Variants in PCDHGA12 observed in about 807,000 individuals in gnomAD.
PCDHGA12 encodes the protein protocadherin gamma subfamily A, 12.
PCDHGA12 carries 43 observed loss-of-function variants against 61.1 expected under a neutral mutation model. The ratio of observed to expected loss-of-function variants is 0.70; its 90% confidence interval spans 0.55 to 0.91. The LOEUF is 0.91. Ranked by LOEUF, PCDHGA12 falls within the 40% of genes least tolerant of loss-of-function variation. The pLI is 0.00. For synonymous variants in PCDHGA12, 520 were observed against 542.9 expected (o/e 0.96, Z 0.59); for missense variants, 1,236 against 1,227.7 (o/e 1.01, Z -0.10).
In PCDHGA12 at chr5:141,486,718, A is replaced by G; in HGVS notation, c.2425-8089A>G. 6.2e-7 allele frequency: 1 copy of G among 1,614,106 alleles called. No individual in the cohort carries two copies. The highest frequency in any genetic ancestry group is 1.7e-5 in the Admixed American group (1 of 60,022). On this transcript the variant is annotated intron_variant, in intron 1 of 3. Coordinates refer to ENST00000252085, the MANE Select transcript of PCDHGA12 (RefSeq NM_003735.3). This position sits in a 1 kb window ranked among gnomAD's most constrained non-coding sequence, Gnocchi z 5.0. Reference sequence around the variant, plus strand: ...TCATCTCTCTGAACCCCCAGACAGGAGCTGTTCATGCTACTCGATCCTTTG... The same window carrying G: ...TCATCTCTCTGAACCCCCAGACAGGGGCTGTTCATGCTACTCGATCCTTTG...
chr5:141,469,213 G>C (rs866405809), intron 1 of PCDHGA12, among the ~76,000 whole-genome samples: 4 of 150,912 alleles, frequency 2.7e-5, no homozygotes, highest in African/African-American at 9.7e-5. Flanking sequence ...TGAAGTTGAG[G>C]CTTCAGTGAG....
At chr5:141,482,530 CAAA>C (rs3074545) in intron 1 of PCDHGA12, among the ~76,000 whole-genome samples, 29 of 76,552 alleles carry the variant, frequency 3.8e-4, no homozygotes, top group African/African-American at 9.1e-4. Context: ...GACAGACATG[CAAA>C]AAAAAAAAAA....
At chr5:141,462,335 A>G in intron 1 of PCDHGA12, among the ~76,000 whole-genome samples, 1 of 152,220 alleles carries the variant, frequency 6.6e-6, no homozygotes, top group East Asian at 1.9e-4. Context: ...ATTTAATTGT[A>G]TTGTGATCCA....
chr5:141,468,853 G>A (rs893773356), intron 1 of PCDHGA12, among the ~76,000 whole-genome samples: 7 of 151,000 alleles, frequency 4.6e-5, no homozygotes, highest in Admixed American at 6.6e-5. Context: ...GCAACAGAGC[G>A]AGACTCCATC....
At chr5:141,482,936 G>T (rs2099574800) in intron 1 of PCDHGA12, among the ~76,000 whole-genome samples, 1 of 152,050 alleles carries the variant, frequency 6.6e-6, no homozygotes, top group Admixed American at 6.5e-5. Context: ...AGCCAGGTGT[G>T]GTTGTGGGTG....
rs769607720 is a variant in PCDHGA12 at position 141,489,346 on chromosome 5, G to A, written c.2425-5461G>A. 4 of 1,611,652 alleles carry A rather than the reference G, an allele frequency of 2.5e-6. No individual in the cohort carries two copies. The highest frequency in any genetic ancestry group is 3.4e-6 in the Non-Finnish European group (4 of 1,178,446). On this transcript the variant is annotated intron_variant, in intron 1 of 3. Transcript: ENST00000252085. The surrounding 1 kb of genome is among the most constrained non-coding windows in gnomAD (Gnocchi z 4.5). Reference sequence around the variant, plus strand: ...GTCTGGGCAGCTTCGTTACTCAGTGGTGGAGGAGTCTGAGCCGGGGACGCT... The same window carrying A: ...GTCTGGGCAGCTTCGTTACTCAGTGATGGAGGAGTCTGAGCCGGGGACGCT...
At chr5:141,479,189 G>A (rs1466742057) in intron 1 of PCDHGA12, 3 of 152,358 alleles carry the variant, frequency 2.0e-5, no homozygotes, top group African/African-American at 7.2e-5. Flanking sequence ...AGAAAATTCA[G>A]AAAATACAGA....
chr5:141,476,357 C>T lies in PCDHGA12; in HGVS notation c.2425-18450C>T. On this transcript the variant is annotated intron_variant, in intron 1 of 3. Transcript: ENST00000252085. The surrounding 1 kb of genome is among the most constrained non-coding windows in gnomAD (Gnocchi z 7.6). ...TAGCCGAAGATTCTTTGAGGTGAAC[C>T]GGGAGACCGGAGAGATGTTTGTGAA... The T allele has an allele frequency of 6.2e-7, 1 of 1,614,052 alleles. No individual in the cohort carries two copies. The highest frequency in any genetic ancestry group is 2.2e-5 in the East Asian group (1 of 44,854).
intron 1 of PCDHGA12, among the ~76,000 whole-genome samples, chr5:141,456,778 C>T (rs568292085): frequency 3.7e-4 from 57 of 152,242 alleles, no homozygotes; most frequent in African/African-American, 1.3e-3. Flanking sequence ...GCCTGGCCTA[C>T]ATGGCAAAAC....
intron 3 of PCDHGA12, among the ~76,000 whole-genome samples, chr5:141,507,571 G>A (rs2099861692): frequency 6.6e-6 from 1 of 152,254 alleles, no homozygotes; most frequent in Non-Finnish European, 1.5e-5. Flanking sequence ...TGGGTCTGAG[G>A]AGATGCCAAG....
intron 1 of PCDHGA12, among the ~76,000 whole-genome samples, chr5:141,445,733 T>C (rs1031885468): frequency 6.6e-6 from 1 of 152,186 alleles, no homozygotes; most frequent in Non-Finnish European, 1.5e-5. Context: ...TGTGTAAAGA[T>C]CTTTTTAAAA....
chr5:141,438,358 G>A (rs1160913890), intron 1 of PCDHGA12, among the ~76,000 whole-genome samples: 1 of 151,634 alleles, frequency 6.6e-6, no homozygotes. Context: ...TCTGTGTATT[G>A]TCATTGAGGG....
chr5:141,508,799 C>T (rs962590711), intron 3 of PCDHGA12, among the ~76,000 whole-genome samples: 1 of 152,110 alleles, frequency 6.6e-6, no homozygotes, highest in Non-Finnish European at 1.5e-5. Context: ...ACTCTGGAAT[C>T]CTGGCTCTTT....
In PCDHGA12 at chr5:141,431,561, G is replaced by T; in HGVS notation, c.802G>T (p.Asp268Tyr). The T allele has an allele frequency of 6.2e-7, 1 of 1,614,146 alleles. No homozygotes were observed. Residue 268 changes from aspartate to tyrosine, a missense_variant, in exon 1 of 4, where the codon GAC becomes TAC. By Grantham distance (160) the Asp-to-Tyr change is radical. Transcript: ENST00000252085. This position sits in a 1 kb window ranked among gnomAD's most constrained non-coding sequence, Gnocchi z 4.8. Reference sequence around the variant, plus strand: ...GCAGCTGCTTGTAGTCAACGCTACCGACCCTGACGAAGGAGTCAATGCGGA... The same window carrying T: ...GCAGCTGCTTGTAGTCAACGCTACCTACCCTGACGAAGGAGTCAATGCGGA... ...GTQLLVVNAT[D>Y]PDEGVNAEVR... is the part of the protein sequence containing the mutation.
At chr5:141,479,200 AAAGT>A (rs1430087636) in intron 1 of PCDHGA12, 5 of 152,466 alleles carry the variant, frequency 3.3e-5, no homozygotes, top group African/African-American at 1.2e-4. Flanking sequence ...AAAATACAGA[AAAGT>A]ATTTAAAAAA....
At chr5:141,451,526 G>T (rs896029145) in intron 1 of PCDHGA12, among the ~76,000 whole-genome samples, 1 of 152,168 alleles carries the variant, frequency 6.6e-6, no homozygotes, top group African/African-American at 2.4e-5. Flanking sequence ...GCAAGTAAAG[G>T]AGAGTGCCAG....
chr5:141,472,980 C>CAAAAAAAAAAAAAAAAGAAAAAAAAA (rs2099308501), intron 1 of PCDHGA12, among the ~76,000 whole-genome samples: 1 of 86,106 alleles, frequency 1.2e-5, no homozygotes, highest in Non-Finnish European at 2.5e-5. Context: ...GAGTGAAACT[C>CAAAAAAAAAAAAAAAAGAAAAAAAAA]AAAAAAAAAA....
intron 1 of PCDHGA12, among the ~76,000 whole-genome samples, chr5:141,474,250 A>G (rs2099346141): frequency 6.6e-6 from 1 of 152,236 alleles, no homozygotes; most frequent in East Asian, 1.9e-4. Flanking sequence ...GGGGAAAAAA[A>G]GACTGATAAA....
chr5:141,472,316 C>T (rs1456055286), intron 1 of PCDHGA12, among the ~76,000 whole-genome samples: 6 of 151,940 alleles, frequency 3.9e-5, no homozygotes, highest in Non-Finnish European at 8.8e-5. Context: ...CCGAGGCAGG[C>T]AGATCACGAG....
Sources: allele counts gnomAD v4.1 joint callset (sites outside exome capture counted in the v4.1 genomes callset), GRCh38; gene constraint gnomAD v4.1.1; non-coding constraint Gnocchi (gnomAD v3.1); transcripts MANE v1.5; gene names NCBI Gene and HGNC (gene_info 2026-07-23, HGNC 2026-07-21).